The following DOCK1 variants were observed in gnomAD, a reference collection of about 807,000 sequenced individuals.
The protein encoded by DOCK1 is dedicator of cytokinesis protein 1.
Under a neutral mutation model 262.7 loss-of-function variants are expected in DOCK1, and 138 were observed. The ratio of observed to expected loss-of-function variants is 0.53; its 90% CI spans 0.46 to 0.61. DOCK1 has a LOEUF of 0.61. DOCK1 is among the 20% of genes least tolerant of loss of function. The pLI is 0.00. For synonymous variants in DOCK1, 866 were observed against 867.4 expected, an observed-to-expected ratio of 1.00 and a Z score of 0.03; for missense variants, 1,908 against 2,370.7, an observed-to-expected ratio of 0.80 and a Z score of 4.05.
intron 1 of DOCK1, among the ~76,000 whole-genome samples, chr10:126,963,905 G>A (rs2037472164): frequency 1.3e-5 from 2 of 152,208 alleles, no homozygotes; most frequent in Admixed American, 1.3e-4. Context: ...AGCAGTGGAA[G>A]GATTTTACTA....
At chr10:127,278,116 A>G (rs913714582) in intron 29 of DOCK1, among the ~76,000 whole-genome samples, 2 of 152,188 alleles carry the variant, frequency 1.3e-5, no homozygotes, top group African/African-American at 4.8e-5. Context: ...GTGGAACCCC[A>G]TGCTGTCCTT....
chr10:127,439,006 C>G (rs1039124597), intron 48 of DOCK1, 21 bp from the exon 49 acceptor site: 34 of 1,540,514 alleles, frequency 2.2e-5, no homozygotes, highest in Middle Eastern at 3.4e-4. Context: ...CCTATTAAGA[C>G]GTCATTGACC....
At chr10:127,377,321 A>G (rs1319595297) in intron 35 of DOCK1, among the ~76,000 whole-genome samples, 1 of 152,210 alleles carries the variant, frequency 6.6e-6, no homozygotes, top group Non-Finnish European at 1.5e-5. Context: ...TATTACAGAA[A>G]CAGAGTGTAA....
chr10:127,389,037 G>A (rs902427042), intron 38 of DOCK1, among the ~76,000 whole-genome samples: 1 of 152,184 alleles, frequency 6.6e-6, no homozygotes, highest in Admixed American at 6.5e-5. Flanking sequence ...AAAACTTGTT[G>A]GGCCTCAATC....
intron 29 of DOCK1, among the ~76,000 whole-genome samples, chr10:127,277,302 G>A (rs2060778222): frequency 6.6e-6 from 1 of 152,270 alleles, no homozygotes; most frequent in Non-Finnish European, 1.5e-5. Context: ...TATAGACCTT[G>A]CACACTTCAT....
intron 27 of DOCK1, among the ~76,000 whole-genome samples, chr10:127,245,732 T>G (rs1056296623): frequency 6.6e-6 from 1 of 152,216 alleles, no homozygotes; most frequent in African/African-American, 2.4e-5. Flanking sequence ...TCATTAGTGT[T>G]ACTCTGTGCT....
intron 29 of DOCK1, among the ~76,000 whole-genome samples, chr10:127,328,225 G>T (rs751156637): frequency 6.6e-6 from 1 of 152,054 alleles, no homozygotes; most frequent in Non-Finnish European, 1.5e-5. Context: ...TCCATAGCAG[G>T]TCTTGAAAAT....
intron 5 of DOCK1, among the ~76,000 whole-genome samples, chr10:126,989,272 A>C (rs2039632303): frequency 2.0e-5 from 3 of 152,102 alleles, no homozygotes; most frequent in African/African-American, 7.2e-5. Flanking sequence ...TTTTTTAAAA[A>C]AGTGGCAGTG....
At position 127,410,820 on chromosome 10, in the gene DOCK1, A is replaced by G. The variant is rs2296628; in HGVS notation, c.4344-20A>G. The G allele has an allele frequency of 0.38, 612,444 of 1,609,504 alleles. 123,160 individuals are homozygous for G. Among genetic ancestry groups the G allele is most frequent in the East Asian group, 0.62 (28,000 of 44,806 alleles). On this transcript the variant is annotated intron_variant, in intron 42 of 51. Transcript: ENST00000623213. Reference sequence around the variant, plus strand: ...TATTTGCCGGGTTAAATATCTAATGATCTGTCTGTCTCTGTACAGTTTTTA... The same window carrying G: ...TATTTGCCGGGTTAAATATCTAATGGTCTGTCTGTCTCTGTACAGTTTTTA...
chr10:127,442,528 A>G (rs1305869834), intron 49 of DOCK1, among the ~76,000 whole-genome samples: 1 of 152,190 alleles, frequency 6.6e-6, no homozygotes, highest in African/African-American at 2.4e-5. Context: ...AAATATGTAA[A>G]TACAACTTAC....
intron 29 of DOCK1, among the ~76,000 whole-genome samples, chr10:127,335,747 C>T (rs1313017808): frequency 6.6e-6 from 1 of 151,016 alleles, no homozygotes; most frequent in Non-Finnish European, 1.5e-5. Flanking sequence ...TGGAGTCTCA[C>T]TCTGTCGCCT....
chr10:127,080,216 C>A (rs2046821704), intron 23 of DOCK1, among the ~76,000 whole-genome samples: 1 of 152,000 alleles, frequency 6.6e-6, no homozygotes, highest in Non-Finnish European at 1.5e-5. Context: ...ACTCTCATTT[C>A]CACCAGATCT....
At chr10:126,997,682 A>T (rs1283374581) in intron 7 of DOCK1, 2 of 214,968 alleles carry the variant, frequency 9.3e-6, no homozygotes, top group Non-Finnish European at 1.9e-5. Context: ...TGACTAATTG[A>T]ATCATCTGTT....
At chr10:127,361,726 G>A (rs940907115) in intron 32 of DOCK1, among the ~76,000 whole-genome samples, 6 of 152,174 alleles carry the variant, frequency 3.9e-5, no homozygotes, top group Admixed American at 2.0e-4. Flanking sequence ...GCTCTATTCA[G>A]AATTGGGAAT....
intron 1 of DOCK1, among the ~76,000 whole-genome samples, chr10:126,939,989 C>T (rs2034867159): frequency 6.6e-6 from 1 of 152,162 alleles, no homozygotes; most frequent in African/African-American, 2.4e-5. Context: ...TGAGTTGGGG[C>T]TGGCATTGGG....
intron 33 of DOCK1, among the ~76,000 whole-genome samples, chr10:127,366,944 G>A (rs190777491): frequency 7.9e-5 from 12 of 152,314 alleles, no homozygotes; most frequent in African/African-American, 2.2e-4. Flanking sequence ...TTTTGAACCC[G>A]TGATAGAGCT....
chr10:127,026,046 C>T (rs1012703547), intron 15 of DOCK1: 4 of 238,628 alleles, frequency 1.7e-5, no homozygotes, highest in Admixed American at 9.3e-5. Context: ...GCAACAAGAG[C>T]GAAACTCTGT....
At chr10:127,071,078 G>A (rs1022860444) in intron 23 of DOCK1, among the ~76,000 whole-genome samples, 2 of 152,128 alleles carry the variant, frequency 1.3e-5, no homozygotes, top group Non-Finnish European at 2.9e-5. Context: ...TGTTAAGAAA[G>A]ACTCAGCAGA....
At chr10:127,271,017 A>G (rs76556958) in intron 29 of DOCK1, among the ~76,000 whole-genome samples, 5 of 136,976 alleles carry the variant, frequency 3.7e-5, no homozygotes, top group African/African-American at 1.1e-4. Flanking sequence ...GTGTGTGTGT[A>G]TGTATATATA....
Sources: gnomAD v4.1 joint callset for allele counts (sites outside exome capture counted in the v4.1 genomes callset) on GRCh38, gnomAD v4.1.1 for gene constraint, MANE v1.5 for transcripts, NCBI Gene and HGNC (gene_info 2026-07-23, HGNC 2026-07-21) for gene names.